The following FRMPD3 variants were observed in gnomAD, a reference collection of about 807,000 sequenced individuals.
FRMPD3 encodes FERM and PDZ domain-containing protein 3.
Under a neutral mutation model 97.9 loss-of-function variants are expected in FRMPD3, and 42 were observed. The observed-to-expected ratio is 0.43, with a 90% CI of 0.34 to 0.55. The LOEUF (loss-of-function observed/expected upper bound fraction) is 0.55. FRMPD3 is among the 20% of genes least tolerant of loss of function. The probability of loss-of-function intolerance (pLI) is 0.03; values close to 1 mark genes in which losing one functional copy is unlikely to be tolerated. For missense variants in FRMPD3, 1,303 were observed against 1,457.7 expected, an observed-to-expected ratio of 0.89 and a Z score of 1.73; for synonymous variants, 577 against 581.1, an observed-to-expected ratio of 0.99 and a Z score of 0.10.
At chrX:107,514,176 T>C (rs1922241074) in intron 1 of FRMPD3, among the ~76,000 whole-genome samples, 1 of 110,448 alleles carries the variant, frequency 9.1e-6, no homozygotes, top group African/African-American at 3.3e-5. Flanking sequence ...AGGGCCAGAT[T>C]GTAGGCAAGA....
intron 1 of FRMPD3, among the ~76,000 whole-genome samples, chrX:107,499,725 C>T (rs776785026): frequency 1.8e-5 from 2 of 112,129 alleles, no homozygotes; most frequent in African/African-American, 6.5e-5. Context: ...TCATAATAAC[C>T]ATAAAGTAGA....
chrX:107,513,089 T>C (rs1478058559), intron 1 of FRMPD3: 1 of 112,045 alleles, frequency 8.9e-6, no homozygotes, highest in Non-Finnish European at 1.9e-5. Context: ...CTTTGAAGCA[T>C]TATGGGGTTG....
At chrX:107,554,699 T>G (rs1922004686) in intron 8 of FRMPD3, 195 bp downstream of exon 8, 1 of 445,771 alleles carries the variant, frequency 2.2e-6, no homozygotes, top group African/African-American at 2.4e-5. Flanking sequence ...TGGCTGTGGC[T>G]CAAAGTCCTG....
intron 1 of FRMPD3, among the ~76,000 whole-genome samples, chrX:107,453,029 G>A (rs747847631): frequency 5.5e-4 from 61 of 110,618 alleles, no homozygotes; most frequent in African/African-American, 2.0e-3. Context: ...GCAGGACAAC[G>A]GAAGCACTCT....
At chrX:107,542,453 C>G (rs1016519476) in intron 4 of FRMPD3, among the ~76,000 whole-genome samples, 6 of 111,772 alleles carry the variant, frequency 5.4e-5, no homozygotes, top group African/African-American at 2.0e-4. Context: ...GACCTCACCC[C>G]CAGGAATTCT....
intron 1 of FRMPD3, among the ~76,000 whole-genome samples, chrX:107,501,695 G>A (rs1921916055): frequency 9.5e-6 from 1 of 104,972 alleles, no homozygotes; most frequent in Non-Finnish European, 1.9e-5. Context: ...ATGTGTCTGT[G>A]TGCGTATGTA....
intron 11 of FRMPD3, among the ~76,000 whole-genome samples, chrX:107,564,336 T>G (rs1243729130): frequency 8.9e-6 from 1 of 112,699 alleles, no homozygotes; most frequent in East Asian, 2.8e-4. Flanking sequence ...AATCTCTGCT[T>G]AACGAGGGAG....
chrX:107,504,536 GA>G (rs1386292881), intron 1 of FRMPD3, among the ~76,000 whole-genome samples: 2 of 112,067 alleles, frequency 1.8e-5, no homozygotes, highest in Non-Finnish European at 3.8e-5. Flanking sequence ...GGAAATTTGG[GA>G]AATTGTCTTG....
chrX:107,520,886 TG>T (rs1173113031), intron 1 of FRMPD3, among the ~76,000 whole-genome samples: 4 of 111,947 alleles, frequency 3.6e-5, no homozygotes, highest in African/African-American at 1.3e-4. Flanking sequence ...ATAGTGAAAA[TG>T]GGGTGACATA....
At chrX:107,511,377 A>G (rs1239345335) in intron 1 of FRMPD3, among the ~76,000 whole-genome samples, 1 of 112,316 alleles carries the variant, frequency 8.9e-6, no homozygotes, top group African/African-American at 3.2e-5. Flanking sequence ...ACCCAGCTGC[A>G]GTCATCTTCT....
intron 13 of FRMPD3, among the ~76,000 whole-genome samples, chrX:107,577,785 T>C (rs1371293953): frequency 9.0e-6 from 1 of 111,526 alleles, no homozygotes; most frequent in Non-Finnish European, 1.9e-5. Context: ...TTCTCACCTC[T>C]TGTCTCTTCA....
chrX:107,478,937 C>T (rs375978434), intron 1 of FRMPD3, among the ~76,000 whole-genome samples: 3 of 111,134 alleles, frequency 2.7e-5, no homozygotes, highest in East Asian at 2.8e-4. Context: ...TGAGGCTGCT[C>T]GGCACCCCAC....
intron 4 of FRMPD3, among the ~76,000 whole-genome samples, chrX:107,543,255 C>A (rs1194380964): frequency 9.0e-6 from 1 of 110,817 alleles, no homozygotes; most frequent in African/African-American, 3.3e-5. Context: ...AAGTTCTCAC[C>A]GTGGTTTACA....
At chrX:107,581,443 C>G (rs1923384834) in intron 13 of FRMPD3, among the ~76,000 whole-genome samples, 1 of 109,419 alleles carries the variant, frequency 9.1e-6, no homozygotes. Context: ...GAGAGTTCAT[C>G]ATGTGCCCAG....
At chrX:107,545,374 TATA>T (rs774930476) in intron 4 of FRMPD3, 6 of 120,097 alleles carry the variant, frequency 5.0e-5, no homozygotes, top group East Asian at 4.9e-4. Context: ...TATATTCAGA[TATA>T]ATAATAATAA....
chrX:107,546,415 T>C, intron 5 of FRMPD3, among the ~76,000 whole-genome samples: 1 of 111,857 alleles, frequency 8.9e-6, no homozygotes, highest in Non-Finnish European at 1.9e-5. Context: ...CTCTCAGCAA[T>C]GTTGAGGGGG....
intron 1 of FRMPD3, among the ~76,000 whole-genome samples, chrX:107,482,514 C>A (rs1426649933): frequency 9.0e-6 from 1 of 111,116 alleles, no homozygotes; most frequent in Non-Finnish European, 1.9e-5. Context: ...TTCACCCCAG[C>A]CTCCAGGGCC....
At chrX:107,467,038 GAGAA>G (rs1413906449) in intron 1 of FRMPD3, among the ~76,000 whole-genome samples, 1 of 109,384 alleles carries the variant, frequency 9.1e-6, no homozygotes, top group East Asian at 2.9e-4. Flanking sequence ...GAGAGAGAGA[GAGAA>G]AGAGAGAGAA....
At chrX:107,540,195 GC>G (rs1921226147) in intron 4 of FRMPD3, among the ~76,000 whole-genome samples, 1 of 111,718 alleles carries the variant, frequency 9.0e-6, no homozygotes. Flanking sequence ...GGGAAGGAAG[GC>G]CCCCTGGTTC....
Sources: gnomAD v4.1 joint callset for allele counts (sites outside exome capture counted in the v4.1 genomes callset) on GRCh38, gnomAD v4.1.1 for gene constraint, MANE v1.5 for transcripts, NCBI Gene and HGNC (gene_info 2026-07-23, HGNC 2026-07-21) for gene names.